POC1B: variants seen among roughly 807,000 people sequenced by gnomAD.
POC1B encodes the protein POC1 centriolar protein homolog B.
A neutral mutation model predicts 60.6 loss-of-function variants in POC1B; 44 were observed. That is an observed-to-expected ratio of 0.73 (90% CI 0.57 to 0.93). The LOEUF (loss-of-function observed/expected upper bound fraction) is 0.93. POC1B is among the 40% of genes least tolerant of loss of function. The pLI is 0.00. For synonymous variants in POC1B, 180 were observed against 198.9 expected (o/e 0.90, Z 0.80); for missense variants, 555 against 572.3 (o/e 0.97, Z 0.31).
chr12:89,430,998 A>G (rs1881006788), intron 10 of POC1B, among the ~76,000 whole-genome samples: 1 of 152,164 alleles, frequency 6.6e-6, no homozygotes, highest in African/African-American at 2.4e-5. Context: ...GTGAGGAAGC[A>G]ATGTAAGCAT....
At chr12:89,513,987 T>C (rs1238661657) in intron 2 of POC1B, among the ~76,000 whole-genome samples, 1 of 152,196 alleles carries the variant, frequency 6.6e-6, no homozygotes, top group Non-Finnish European at 1.5e-5. Flanking sequence ...CAGGCTATTT[T>C]GTTTTCTCCC....
intron 2 of POC1B, chr12:89,502,081 G>A: frequency 9.4e-7 from 1 of 1,063,514 alleles, no homozygotes; most frequent in Non-Finnish European, 1.5e-6. Flanking sequence ...TCAGACCAGT[G>A]GATATACATG....
At chr12:89,469,057 G>A (rs951537276) in intron 7 of POC1B, among the ~76,000 whole-genome samples, 1 of 152,158 alleles carries the variant, frequency 6.6e-6, no homozygotes, top group Non-Finnish European at 1.5e-5. Flanking sequence ...CTGAGGTCAG[G>A]AGTTCAAAAC....
intron 3 of POC1B, among the ~76,000 whole-genome samples, chr12:89,493,597 G>A (rs1869095544): frequency 6.6e-6 from 1 of 152,204 alleles, no homozygotes; most frequent in Non-Finnish European, 1.5e-5. Flanking sequence ...TAAATTTCAT[G>A]AGTGGAAATC....
chr12:89,456,310 T>C (rs766586971), intron 10 of POC1B, among the ~76,000 whole-genome samples: 1 of 152,166 alleles, frequency 6.6e-6, no homozygotes, highest in African/African-American at 2.4e-5. Context: ...TGTGAGCCAC[T>C]GTGCCCAACC....
At chr12:89,525,457 T>C in intron 1 of POC1B, 1 of 1,347,640 alleles carries the variant, frequency 7.4e-7, no homozygotes, top group Non-Finnish European at 9.5e-7. Flanking sequence ...GTCCAGCGCA[T>C]CGCAGGAACC....
At chr12:89,476,195 C>T (rs955786196) in intron 4 of POC1B, among the ~76,000 whole-genome samples, 5 of 152,106 alleles carry the variant, frequency 3.3e-5, no homozygotes, top group Non-Finnish European at 7.4e-5. Context: ...GCATGATCCA[C>T]TGTGCCCAGC....
chr12:89,454,088 A>G (rs1255851300), intron 10 of POC1B, among the ~76,000 whole-genome samples: 1 of 152,218 alleles, frequency 6.6e-6, no homozygotes, highest in East Asian at 1.9e-4. Context: ...TCTTGCACTG[A>G]TTCAGCCGAT....
At chr12:89,482,955 G>A (rs1031180571) in intron 4 of POC1B, among the ~76,000 whole-genome samples, 10 of 146,808 alleles carry the variant, frequency 6.8e-5, no homozygotes, top group Non-Finnish European at 1.5e-5. Flanking sequence ...ATGGAGTTTC[G>A]CTCTTGTTGC....
intron 2 of POC1B, among the ~76,000 whole-genome samples, chr12:89,498,238 G>A (rs542976843): frequency 7.2e-5 from 11 of 152,218 alleles, no homozygotes; most frequent in East Asian, 1.9e-4. Flanking sequence ...TAAAAGAATC[G>A]TGTGTGTCAG....
intron 4 of POC1B, among the ~76,000 whole-genome samples, chr12:89,487,579 A>C (rs2135733845): frequency 6.6e-6 from 1 of 152,310 alleles, no homozygotes; most frequent in Non-Finnish European, 1.5e-5. Flanking sequence ...CAGGGAGCTA[A>C]CTTGCTCCAG....
chr12:89,470,586 A>G (rs1428739800), intron 6 of POC1B, 92 bp from the exon 7 acceptor site: 6 of 1,092,640 alleles, frequency 5.5e-6, no homozygotes, highest in Non-Finnish European at 7.5e-6. Context: ...GTTGTAAACA[A>G]GAGCACTGTT....
At chr12:89,500,316 G>C in intron 2 of POC1B, 1 of 1,522,512 alleles carries the variant, frequency 6.6e-7, no homozygotes, top group South Asian at 1.1e-5. Flanking sequence ...CAGTCACCAA[G>C]CAAAGAGTGC....
chr12:89,525,419 G>A (rs1871371910), intron 1 of POC1B: 1 of 1,382,082 alleles, frequency 7.2e-7, no homozygotes, highest in Non-Finnish European at 9.3e-7. Context: ...CGCAGAGCCC[G>A]CAAAACGCTC....
intron 4 of POC1B, among the ~76,000 whole-genome samples, chr12:89,479,357 T>A (rs1883234190): frequency 6.6e-6 from 1 of 152,194 alleles, no homozygotes. Context: ...TCATTTCAAA[T>A]TATACTGAAA....
the POC1B span, among the ~76,000 whole-genome samples, chr12:89,403,115 C>T: frequency 6.6e-6 from 1 of 152,110 alleles, no homozygotes; most frequent in Admixed American, 6.5e-5. Context: ...TCAAGCAATC[C>T]TCCTGCCTCA....
At chr12:89,479,712 T>C (rs764400949) in intron 4 of POC1B, among the ~76,000 whole-genome samples, 37 of 151,766 alleles carry the variant, frequency 2.4e-4, no homozygotes, top group Non-Finnish European at 3.5e-4. Context: ...GGCACCGAGA[T>C]AGACACAGAA....
At chr12:89,408,844 C>T in the POC1B span, among the ~76,000 whole-genome samples, 6,824 of 152,124 alleles carry the variant, frequency 0.045, 427 homozygotes, top group East Asian at 0.12. Context: ...TATCTTATTG[C>T]GGTTTTGATT....
chr12:89,419,792 T>C lies in POC1B; in HGVS notation c.*1361A>G, dbSNP rs937784783. 6.6e-6 allele frequency: 1 copy of C among 152,238 alleles called. No homozygotes were observed. The highest frequency in any genetic ancestry group is 1.5e-5 in the Non-Finnish European group (1 of 68,042). The allele number at this position is 152,238 out of a possible 1,614,324, so 9.4% of individuals were successfully genotyped here. Reference sequence around the variant, plus strand: ...AAAATTGATAGGACATTTCATTTCTTACTTAGTCTTCTCAATGGGGTTATA... The same window carrying C: ...AAAATTGATAGGACATTTCATTTCTCACTTAGTCTTCTCAATGGGGTTATA... On this transcript the variant is annotated 3_prime_UTR_variant, in exon 12 of 12. Coordinates refer to ENST00000313546, the MANE Select transcript of POC1B (RefSeq NM_172240.3).
Sources: allele counts gnomAD v4.1 joint callset (sites outside exome capture counted in the v4.1 genomes callset), GRCh38; gene constraint gnomAD v4.1.1; transcripts MANE v1.5; gene names NCBI Gene and HGNC (gene_info 2026-07-23, HGNC 2026-07-21).